The following SMAD6 variants were observed in gnomAD, a reference collection of about 807,000 sequenced individuals.
SMAD6 encodes MAD homolog 6.
Under a neutral mutation model 39.4 loss-of-function variants are expected in SMAD6, and 103 were observed. The observed-to-expected ratio is 2.62, with a 90% CI of 2.23 to 3.08. SMAD6 has a LOEUF of 3.08. Among genes scored for constraint, SMAD6 ranks in the 30% most tolerant of loss-of-function variants. The pLI, the probability that SMAD6 is intolerant of heterozygous loss-of-function variation, is 0.00. For missense variants in SMAD6, 1,104 were observed against 742.9 expected (o/e 1.49, Z -5.65); for synonymous variants, 445 against 353.3 (o/e 1.26, Z -2.91).
intron 3 of SMAD6, among the ~76,000 whole-genome samples, chr15:66,777,075 A>G (rs1894479473): frequency 6.6e-6 from 1 of 151,382 alleles, no homozygotes. Flanking sequence ...GCCCTGTGTC[A>G]TTCCCAACTC....
chr15:66,702,930 C>CT lies in SMAD6; in HGVS notation c.-326dup. ...GAAGGCTCGCCGGCCCATGTGGGGT[C>CT]TTTCTGGCGGCGCGCCGCCTGCAGC... On this transcript the variant is annotated 5_prime_UTR_variant, in exon 1 of 4. It removes the in-frame stop codon of an upstream open reading frame in the 5' UTR. Coordinates refer to ENST00000288840, the MANE Select transcript of SMAD6 (RefSeq NM_005585.5). 8.5e-6 allele frequency: 2 copies of CT among 236,176 alleles called. No homozygotes were observed. The highest frequency in any genetic ancestry group is 1.6e-5 in the Non-Finnish European group (2 of 122,762). 14.6% of individuals were successfully genotyped at this position (236,176 alleles called of 1,614,324 possible). A position where few individuals can be genotyped will look rare whatever the true frequency, so the allele number is the denominator to read the frequency against.
rs939048940 is a variant in SMAD6, at chr15:66,757,677, G to C, written c.953-23320G>C. Among the ~76,000 whole-genome samples the C allele has an allele frequency of 3.9e-5, 6 of 152,336 alleles. No homozygotes were observed. In the East Asian group the frequency reaches 1.2e-3, roughly 29 times the overall value. ...GGATGAAGAGAATTCTGAAGGTGGG[G>C]CCCCCTGGCAGAGGCATGAGGGCAG... is the stretch of plus-strand genomic sequence containing the variant. On this transcript the variant is annotated intron_variant, in intron 3 of 3. Coordinates refer to ENST00000288840, the MANE Select transcript of SMAD6 (RefSeq NM_005585.5).
rs574537757 is a variant in SMAD6, at chr15:66,717,003, C to T, written c.952+505C>T. 79 of 1,289,390 alleles carry T rather than the reference C, an allele frequency of 6.1e-5. No individual in the cohort carries two copies. In the East Asian group the frequency reaches 3.6e-3, roughly 58 times the overall value. 79.9% of individuals were successfully genotyped at this position (1,289,390 alleles called of 1,614,324 possible). A position where few individuals can be genotyped will look rare whatever the true frequency, so the allele number is the denominator to read the frequency against. ...AAAGCCAGTGGTTTCTGTGTCTCTC[C>T]CTGAGCAGCAGATGCTGGGATAGGA... On this transcript the variant is annotated intron_variant, in intron 3 of 3. Coordinates refer to ENST00000288840, the MANE Select transcript of SMAD6 (RefSeq NM_005585.5).
At chr15:66,715,228 C>CA (rs1042186400) in intron 2 of SMAD6, among the ~76,000 whole-genome samples, 1 of 138,054 alleles carries the variant, frequency 7.2e-6, no homozygotes, top group Admixed American at 7.4e-5. Context: ...CACATGAGAC[C>CA]AAAAAACAAA....
At chr15:66,752,209 G>C (rs527518482) in intron 3 of SMAD6, among the ~76,000 whole-genome samples, 1 of 152,268 alleles carries the variant, frequency 6.6e-6, no homozygotes, top group Admixed American at 6.5e-5. Context: ...GACTCTCATA[G>C]GTCAGGACGG....
intron 3 of SMAD6, among the ~76,000 whole-genome samples, chr15:66,772,020 A>G (rs994562800): frequency 8.5e-5 from 13 of 152,158 alleles, no homozygotes; most frequent in African/African-American, 2.9e-4. Context: ...GTCGTGGGGC[A>G]GTGTCGTTAG....
In SMAD6 at chr15:66,716,458, G is replaced by A. The variant is rs1893332156; in HGVS notation, c.912G>A (p.Glu304=). Residue 304 remains glutamate (E), a synonymous_variant, in exon 3 of 4, where the codon GAG becomes GAA. Transcript: ENST00000288840. ...SDSTLSYTET[E]ATNSLITAPG... ...CCACATTGTCTTACACTGAAACGGA[G>A]GCTACCAACTCCCTCATCACTGCTC... 2 of 1,613,842 alleles carry A rather than the reference G, an allele frequency of 1.2e-6. No individual in the cohort carries two copies. The highest frequency in any genetic ancestry group is 1.1e-5 in the South Asian group (1 of 91,076).
chr15:66,707,215 GC>G (rs1893132527), intron 1 of SMAD6: 1 of 152,168 alleles, frequency 6.6e-6, no homozygotes, highest in African/African-American at 2.4e-5. Context: ...TGTTTATAGA[GC>G]TCCTTTCTCC....
intron 1 of SMAD6, chr15:66,708,220 T>TA (rs1185421407): frequency 6.5e-6 from 1 of 153,620 alleles, no homozygotes; most frequent in Non-Finnish European, 1.5e-5. Context: ...GTTCTCCTGT[T>TA]AAAGTTTAGA....
chr15:66,765,625 C>T (rs1205626057), intron 3 of SMAD6, among the ~76,000 whole-genome samples: 4 of 152,190 alleles, frequency 2.6e-5, no homozygotes, highest in African/African-American at 9.7e-5. Context: ...CCTTCCTACA[C>T]AAACACACAG....
chr15:66,760,444 T>C (rs1300391247), intron 3 of SMAD6, among the ~76,000 whole-genome samples: 1 of 152,174 alleles, frequency 6.6e-6, no homozygotes, highest in African/African-American at 2.4e-5. Context: ...AACATCTATG[T>C]TGTAGGGTTG....
At chr15:66,707,888 T>C (rs1232807219) in intron 1 of SMAD6, 1 of 152,286 alleles carries the variant, frequency 6.6e-6, no homozygotes, top group Non-Finnish European at 1.5e-5. Context: ...GGGTGTAAGG[T>C]AATGTCCCAA....
intron 3 of SMAD6, among the ~76,000 whole-genome samples, chr15:66,763,198 G>A (rs1435028916): frequency 6.6e-6 from 1 of 152,138 alleles, no homozygotes; most frequent in Non-Finnish European, 1.5e-5. Context: ...CAGTCTGGTG[G>A]CCAGGCCTGA....
intron 3 of SMAD6, among the ~76,000 whole-genome samples, chr15:66,756,296 C>T (rs1308126297): frequency 6.6e-6 from 1 of 151,886 alleles, no homozygotes; most frequent in African/African-American, 2.4e-5. Context: ...GGAAACGGAG[C>T]CCTTTGCAGT....
intron 3 of SMAD6, among the ~76,000 whole-genome samples, chr15:66,750,682 G>T (rs542511664): frequency 2.2e-4 from 34 of 152,284 alleles, no homozygotes; most frequent in African/African-American, 7.9e-4. Flanking sequence ...GGAAGAGAAG[G>T]GGCCAGTGTA....
chr15:66,728,559 A>T (rs1185749237), intron 3 of SMAD6, among the ~76,000 whole-genome samples: 1 of 151,962 alleles, frequency 6.6e-6, no homozygotes, highest in Non-Finnish European at 1.5e-5. Flanking sequence ...GGAGCATGCC[A>T]CCACACCCAG....
At chr15:66,745,030 T>C (rs956585706) in intron 3 of SMAD6, among the ~76,000 whole-genome samples, 1 of 152,128 alleles carries the variant, frequency 6.6e-6, no homozygotes, top group African/African-American at 2.4e-5. Flanking sequence ...CCAACAAGCC[T>C]GCCCCCCACC....
chr15:66,735,394 A>G (rs1301047342), intron 3 of SMAD6, among the ~76,000 whole-genome samples: 1 of 152,196 alleles, frequency 6.6e-6, no homozygotes, highest in Non-Finnish European at 1.5e-5. Flanking sequence ...TTAGAGATGC[A>G]TCATGAAGGA....
rs1893804428 is a variant in SMAD6 at position 66,741,052 on chromosome 15, C to CGGCGGCCGGA, written c.952+24558_952+24567dup. Reference sequence around the variant, plus strand: ...GACATTTACGAGGCTGGCTGGGTGCCGGCGGCCGGAGGCCTCCAATGGCCC... The same window carrying CGGCGGCCGGA: ...GACATTTACGAGGCTGGCTGGGTGCCGGCGGCCGGAGGCGGCCGGAGGCCTCCAATGGCCC... On this transcript the variant is annotated intron_variant, in intron 3 of 3. Coordinates refer to ENST00000288840, the MANE Select transcript of SMAD6 (RefSeq NM_005585.5). The CGGCGGCCGGA allele has an allele frequency of 2.0e-5, 3 of 152,336 alleles. No homozygotes were observed. The South Asian group carries it at 6.2e-4, about 32-fold the overall frequency. 9.4% of individuals were successfully genotyped at this position (152,336 alleles called of 1,614,324 possible). A position where few individuals can be genotyped will look rare whatever the true frequency, so the allele number is the denominator to read the frequency against.
Sources: gnomAD v4.1 joint callset for allele counts (sites outside exome capture counted in the v4.1 genomes callset) on GRCh38, gnomAD v4.1.1 for gene constraint, MANE v1.5 for transcripts, NCBI Gene and HGNC (gene_info 2026-07-23, HGNC 2026-07-21) for gene names.